The following BMP6 variants were observed in gnomAD, a reference collection of about 807,000 sequenced individuals.
The protein encoded by BMP6 is VG-1-R.
A neutral mutation model predicts 54.1 loss-of-function variants in BMP6; 17 were observed. The observed-to-expected ratio is 0.31, with a 90% CI of 0.22 to 0.47. The LOEUF is 0.47. Among genes scored for constraint, BMP6 ranks in the 20% least tolerant of loss-of-function variants. The probability of loss-of-function intolerance (pLI) is 1.00; values close to 1 mark genes in which losing one functional copy is unlikely to be tolerated. For missense variants in BMP6, 720 were observed against 690.4 expected (o/e 1.04, Z -0.48); for synonymous variants, 328 against 291.2 (o/e 1.13, Z -1.28).
intron 4 of BMP6, among the ~76,000 whole-genome samples, chr6:7,868,823 C>T (rs2113285255): frequency 6.6e-6 from 1 of 152,280 alleles, no homozygotes; most frequent in African/African-American, 2.4e-5. Flanking sequence ...CCGAGTGGCC[C>T]CTCTGCAGAA....
At chr6:7,837,263 A>G (rs1334118874) in intron 1 of BMP6, among the ~76,000 whole-genome samples, 1 of 152,128 alleles carries the variant, frequency 6.6e-6, no homozygotes, top group Non-Finnish European at 1.5e-5. Flanking sequence ...TTTTCTCTGG[A>G]CAATTTTAAT....
At chr6:7,843,641 A>G (rs1352404394) in intron 1 of BMP6, among the ~76,000 whole-genome samples, 2 of 152,138 alleles carry the variant, frequency 1.3e-5, no homozygotes, top group Non-Finnish European at 2.9e-5. Flanking sequence ...AGGAAAAACG[A>G]ACAGGAACAG....
In BMP6 at chr6:7,727,066, C is replaced by T; in HGVS notation, c.111C>T (p.Ala37=). The part of the protein sequence containing the change: ...LRPPLPAAAA[A]AAGGQLLGDG... ...CGCCCTTGCCCGCTGCCGCGGCCGCCGCCGCCGGGGGGCAGCTGCTGGGGG... is the reference window on the plus strand; with the variant it reads ...CGCCCTTGCCCGCTGCCGCGGCCGCTGCCGCCGGGGGGCAGCTGCTGGGGG... The change falls in exon 1 of 7, where the codon GCC becomes GCT. Residue 37 remains alanine (A), a synonymous_variant. Coordinates refer to ENST00000283147, the MANE Select transcript of BMP6 (RefSeq NM_001718.6). 3.3e-6 allele frequency: 4 copies of T among 1,218,460 alleles called. No individual in the cohort carries two copies. The South Asian group carries it at 1.6e-4, about 48-fold the overall frequency. The allele number at this position is 1,218,460 out of a possible 1,614,324, so 75.5% of individuals were successfully genotyped here.
intron 1 of BMP6, among the ~76,000 whole-genome samples, chr6:7,774,130 G>T (rs762231072): frequency 2.6e-5 from 4 of 152,198 alleles, no homozygotes; most frequent in Non-Finnish European, 4.4e-5. Flanking sequence ...AGAATAAGGT[G>T]TTTTTCGATG....
chr6:7,733,201 C>T (rs1430147064), intron 1 of BMP6, among the ~76,000 whole-genome samples: 5 of 152,182 alleles, frequency 3.3e-5, no homozygotes, highest in Non-Finnish European at 7.3e-5. Context: ...CCACTGCGTC[C>T]GGCCAGGAAT....
At position 7,861,433 on chromosome 6, in the gene BMP6, A is replaced by AT. The variant is rs762587787; in HGVS notation, c.858-12dup. 6.2e-7 allele frequency: 1 copy of AT among 1,612,894 alleles called. No individual in the cohort carries two copies. Among genetic ancestry groups the AT allele is most frequent in the Non-Finnish European group, 8.5e-7 (1 of 1,179,506 alleles). Reference sequence around the variant, plus strand: ...CAGGCAGTGCGCTATTTACCAGGCCATTTTTTCTTTCTTTCAGAGACTCTG... The same window carrying AT: ...CAGGCAGTGCGCTATTTACCAGGCCATTTTTTTCTTTCTTTCAGAGACTCTG... On this transcript the variant is annotated splice_polypyrimidine_tract_variant and intron_variant, in intron 2 of 6. Transcript: ENST00000283147.
intron 1 of BMP6, among the ~76,000 whole-genome samples, chr6:7,742,384 C>T (rs1042845537): frequency 2.6e-5 from 4 of 152,212 alleles, no homozygotes; most frequent in Admixed American, 2.0e-4. Flanking sequence ...CGACTCTTCA[C>T]GCAGGTGCCG....
chr6:7,761,730 A>G (rs983806817), intron 1 of BMP6, among the ~76,000 whole-genome samples: 3 of 152,212 alleles, frequency 2.0e-5, no homozygotes, highest in African/African-American at 7.2e-5. Context: ...GGCTTCATTG[A>G]TATCTTCAGA....
chr6:7,788,667 T>C (rs1758051742), intron 1 of BMP6, among the ~76,000 whole-genome samples: 2 of 152,338 alleles, frequency 1.3e-5, no homozygotes, highest in South Asian at 4.1e-4. Flanking sequence ...GTAAAACAAA[T>C]GGCAGCAAAA....
chr6:7,732,364 T>C (rs1761877755), intron 1 of BMP6, among the ~76,000 whole-genome samples: 1 of 152,208 alleles, frequency 6.6e-6, no homozygotes. Context: ...TAAACTAAGA[T>C]CAAAGGGCAA....
chr6:7,859,891 C>CT (rs144370566), intron 2 of BMP6, among the ~76,000 whole-genome samples: 4,350 of 152,272 alleles, frequency 0.029, 76 homozygotes, highest in Non-Finnish European at 0.041. Context: ...TCCCTTCTCA[C>CT]TTTAAGTGGC....
chr6:7,776,027 A>G (rs2113161655), intron 1 of BMP6, among the ~76,000 whole-genome samples: 1 of 152,370 alleles, frequency 6.6e-6, no homozygotes, highest in East Asian at 1.9e-4. Flanking sequence ...CAGCACTTCA[A>G]GTACACTTTC....
Position 7,879,972 on chromosome 6 carries a change from T to TC in BMP6, c.1282-17dup, listed in dbSNP as rs1164294131. On this transcript the variant is annotated intron_variant, in intron 5 of 6. Transcript: ENST00000283147. ...AAGTGCATGCTCATCTTTTGTTGCTTCCTTTGCATGAAATTAAGGACTGGA... is the reference window on the plus strand; with the variant it reads ...AAGTGCATGCTCATCTTTTGTTGCTTCCCTTTGCATGAAATTAAGGACTGGA... 2 of 1,608,342 alleles carry TC rather than the reference T, an allele frequency of 1.2e-6. No individual in the cohort carries two copies. The highest frequency in any genetic ancestry group is 1.7e-6 in the Non-Finnish European group (2 of 1,174,748).
At chr6:7,733,677 G>A (rs1057287472) in intron 1 of BMP6, among the ~76,000 whole-genome samples, 5 of 152,182 alleles carry the variant, frequency 3.3e-5, no homozygotes, top group African/African-American at 1.2e-4. Flanking sequence ...TTTTCATCAC[G>A]ACAGCGGAGT....
At chr6:7,798,547 G>A (rs962892611) in intron 1 of BMP6, among the ~76,000 whole-genome samples, 45 of 152,152 alleles carry the variant, frequency 3.0e-4, no homozygotes, top group African/African-American at 1.0e-3. Context: ...TTTAGGGTTC[G>A]TGTTCTACCT....
At chr6:7,859,698 C>T (rs1426576808) in intron 2 of BMP6, among the ~76,000 whole-genome samples, 1 of 152,096 alleles carries the variant, frequency 6.6e-6, no homozygotes, top group African/African-American at 2.4e-5. Context: ...AATCTCCCTG[C>T]TCACAGTTGT....
chr6:7,869,106 C>G (rs977032598), intron 4 of BMP6, among the ~76,000 whole-genome samples: 1 of 152,206 alleles, frequency 6.6e-6, no homozygotes, highest in Non-Finnish European at 1.5e-5. Context: ...GCTGCAGCGC[C>G]CTAGCCCCGT....
chr6:7,770,391 AC>A, intron 1 of BMP6, among the ~76,000 whole-genome samples: 2 of 152,232 alleles, frequency 1.3e-5, no homozygotes, highest in African/African-American at 4.8e-5. Flanking sequence ...GACTGGAACC[AC>A]ATGTAACAAT....
At chr6:7,793,432 A>G (rs1334713117) in intron 1 of BMP6, among the ~76,000 whole-genome samples, 3 of 152,184 alleles carry the variant, frequency 2.0e-5, no homozygotes, top group Admixed American at 1.3e-4. Flanking sequence ...ACTGTATGAT[A>G]CTACAATGGT....
Sources: gnomAD v4.1 joint callset for allele counts (sites outside exome capture counted in the v4.1 genomes callset) on GRCh38, gnomAD v4.1.1 for gene constraint, MANE v1.5 for transcripts, NCBI Gene and HGNC (gene_info 2026-07-23, HGNC 2026-07-21) for gene names.